Variants in ESRRB observed in about 807,000 individuals in gnomAD.
ESRRB encodes the protein estrogen related receptor beta, also known as steroid hormone receptor ERR2.
In ESRRB, 16 loss-of-function variants were observed where a neutral mutation model predicts 46.0. The observed-to-expected ratio is 0.35, with a 90% CI of 0.24 to 0.53. The LOEUF is 0.53. Ranked by LOEUF, ESRRB falls within the 20% of genes least tolerant of loss-of-function variation. ESRRB has a pLI of 0.93. For synonymous variants in ESRRB, 246 were observed against 259.6 expected (o/e 0.95, Z 0.50); for missense variants, 488 against 607.4 (o/e 0.80, Z 2.07).
At chr14:76,435,955 A>C (rs923643541) in intron 1 of ESRRB, among the ~76,000 whole-genome samples, 2 of 152,222 alleles carry the variant, frequency 1.3e-5, no homozygotes, top group African/African-American at 2.4e-5. Context: ...ACCAACCCTG[A>C]TAGTTAATAA....
intron 1 of ESRRB, among the ~76,000 whole-genome samples, chr14:76,339,090 T>C (rs759455647): frequency 2.0e-5 from 3 of 152,220 alleles, no homozygotes; most frequent in Non-Finnish European, 4.4e-5. Flanking sequence ...TTCCCAGTGA[T>C]GAGTATCATG....
At chr14:76,462,714 GT>G in intron 3 of ESRRB, 53 bp downstream of exon 3, 3 of 1,377,034 alleles carry the variant, frequency 2.2e-6, no homozygotes, top group Non-Finnish European at 1.0e-6. Flanking sequence ...TTGCTGGGGA[GT>G]TTTTGTCCCC....
chr14:76,459,432 G>A (rs1216745031), intron 2 of ESRRB, among the ~76,000 whole-genome samples: 1 of 152,132 alleles, frequency 6.6e-6, no homozygotes, highest in African/African-American at 2.4e-5. Context: ...AGGGTGGAGG[G>A]AGCATAGAGA....
At chr14:76,344,977 A>G (rs1014691764) in intron 1 of ESRRB, among the ~76,000 whole-genome samples, 1 of 152,028 alleles carries the variant, frequency 6.6e-6, no homozygotes, top group Non-Finnish European at 1.5e-5. Context: ...CTACTCGTTG[A>G]TTGATGGGCA....
chr14:76,337,562 G>C (rs925589764), intron 1 of ESRRB, among the ~76,000 whole-genome samples: 2 of 152,166 alleles, frequency 1.3e-5, no homozygotes, highest in Admixed American at 6.5e-5. Flanking sequence ...GTGGGCGGGG[G>C]CTGGATGGGG....
intron 1 of ESRRB, among the ~76,000 whole-genome samples, chr14:76,387,019 C>G (rs1004890248): frequency 5.9e-5 from 9 of 152,124 alleles, no homozygotes; most frequent in African/African-American, 2.2e-4. Context: ...ACCCTTGCCC[C>G]ACCCTGGAGG....
At chr14:76,464,848 A>C (rs901575158) in intron 3 of ESRRB, among the ~76,000 whole-genome samples, 3 of 152,116 alleles carry the variant, frequency 2.0e-5, no homozygotes, top group Admixed American at 2.0e-4. Flanking sequence ...ATTGAGGCAA[A>C]AGGCCCATAG....
In ESRRB at chr14:76,498,395, C is replaced by T. The variant is rs752504972; in HGVS notation, c.1302C>T (p.Val434=). Reference sequence around the variant, plus strand: ...AGGCCGTGCAGCACTTCTATAGCGTCAAACTGCAGGGCAAAGTGCCCATGC... The same window carrying T: ...AGGCCGTGCAGCACTTCTATAGCGTTAAACTGCAGGGCAAAGTGCCCATGC... ...AAKAVQHFYS[V]KLQGKVPMHK... Residue 434 remains valine (V), a synonymous_variant, in exon 7 of 7, where the codon GTC becomes GTT. Transcript: ENST00000644823. 2.7e-5 allele frequency: 44 copies of T among 1,613,534 alleles called. No individual in the cohort carries two copies. The South Asian group carries it at 4.5e-4, about 17-fold the overall frequency.
At chr14:76,356,505 G>A (rs1365401753) in intron 1 of ESRRB, among the ~76,000 whole-genome samples, 1 of 152,168 alleles carries the variant, frequency 6.6e-6, no homozygotes, top group Non-Finnish European at 1.5e-5. Context: ...TAGGATGACA[G>A]AACGAACATT....
chr14:76,490,762 C>T lies in ESRRB; in HGVS notation c.851-685C>T, dbSNP rs768677567. On this transcript the variant is annotated intron_variant, in intron 5 of 6. Coordinates refer to ENST00000644823, the MANE Select transcript of ESRRB (RefSeq NM_001379180.1). ...ATGATTCCAAGCTCCCGGAACAGGC[C>T]TGCTGGGTCATCGTTAAGCAGAGAG... is the stretch of plus-strand genomic sequence containing the variant. Among the ~76,000 whole-genome samples, 43 of 152,214 alleles carry T rather than the reference C, an allele frequency of 2.8e-4. 1 individual carries two copies. Among genetic ancestry groups the T allele is most frequent in the Admixed American group, 1.3e-4 (2 of 15,278 alleles).
chr14:76,490,289 A>C (rs1238568509), intron 5 of ESRRB, among the ~76,000 whole-genome samples: 1 of 152,238 alleles, frequency 6.6e-6, no homozygotes, highest in African/African-American at 2.4e-5. Flanking sequence ...CTTGAAAATC[A>C]GCTGACTTAT....
intron 1 of ESRRB, among the ~76,000 whole-genome samples, chr14:76,432,396 AG>A (rs2139915310): frequency 6.6e-6 from 1 of 152,332 alleles, no homozygotes; most frequent in Non-Finnish European, 1.5e-5. Context: ...AGAGGCCTGG[AG>A]AACCTTTGCG....
chr14:76,362,438 C>T (rs937319175), intron 1 of ESRRB, among the ~76,000 whole-genome samples: 4 of 152,158 alleles, frequency 2.6e-5, no homozygotes, highest in Admixed American at 2.0e-4. Flanking sequence ...TGAGTTCTAC[C>T]AAGCCACTCT....
chr14:76,323,438 T>C (rs941507109), intron 1 of ESRRB, among the ~76,000 whole-genome samples: 1 of 151,804 alleles, frequency 6.6e-6, no homozygotes, highest in Non-Finnish European at 1.5e-5. Context: ...GCTTCTTGAG[T>C]AGCTGGGACT....
chr14:76,332,869 ATATTTTTTTATATAT>A (rs1261088732), intron 1 of ESRRB, among the ~76,000 whole-genome samples: 826 of 23,008 alleles, frequency 0.036, 24 homozygotes, highest in Middle Eastern at 0.071. Context: ...TATATATAAT[ATATTTTTTTATATAT>A]TATATATTTA....
chr14:76,478,461 C>T (rs1889670095), intron 3 of ESRRB, among the ~76,000 whole-genome samples: 1 of 152,002 alleles, frequency 6.6e-6, no homozygotes. Context: ...GTTGAGCATG[C>T]CTCACTCTGA....
chr14:76,486,521 TAACAGATTATGAA>T (rs1890025988), intron 5 of ESRRB, among the ~76,000 whole-genome samples: 1 of 152,094 alleles, frequency 6.6e-6, no homozygotes, highest in Non-Finnish European at 1.5e-5. Context: ...GATCATAAAT[TAACAGATTATGAA>T]CTCCACTTGC....
At chr14:76,386,551 G>C (rs543220919) in intron 1 of ESRRB, among the ~76,000 whole-genome samples, 121 of 150,524 alleles carry the variant, frequency 8.0e-4, no homozygotes, top group Non-Finnish European at 1.6e-3. Context: ...CTGCCTCCCG[G>C]GTTCAAGCGA....
At chr14:76,362,768 G>A (rs1324277998) in intron 1 of ESRRB, among the ~76,000 whole-genome samples, 1 of 152,188 alleles carries the variant, frequency 6.6e-6, no homozygotes, top group Non-Finnish European at 1.5e-5. Context: ...GGCTTCCTGG[G>A]GGTGGGGGTG....
Sources: gnomAD v4.1 joint callset for allele counts (sites outside exome capture counted in the v4.1 genomes callset) on GRCh38, gnomAD v4.1.1 for gene constraint, MANE v1.5 for transcripts, NCBI Gene and HGNC (gene_info 2026-07-23, HGNC 2026-07-21) for gene names.